Variants in NR3C1 observed in about 807,000 individuals in gnomAD.
NR3C1 encodes nuclear receptor subfamily 3 group C member 1, also known as glucocorticoid receptor.
NR3C1 carries 14 observed loss-of-function variants against 74.0 expected under a neutral mutation model. The observed-to-expected ratio is 0.19, with a 90% confidence interval of 0.12 to 0.30. NR3C1 has a LOEUF of 0.30. Ranked by LOEUF, NR3C1 falls within the 10% of genes least tolerant of loss-of-function variation. The pLI, the probability that NR3C1 is intolerant of heterozygous loss-of-function variation, is 1.00. For missense variants in NR3C1, 695 were observed against 909.8 expected (o/e 0.76, Z 3.04); for synonymous variants, 308 against 332.5 (o/e 0.93, Z 0.80).
At chr5:143,396,865 T>C (rs1839288309) in intron 2 of NR3C1, among the ~76,000 whole-genome samples, 2 of 151,974 alleles carry the variant, frequency 1.3e-5, no homozygotes, top group South Asian at 4.1e-4. Flanking sequence ...ACCTCTGTCA[T>C]TAATGCTTAA....
At chr5:143,332,139 A>G (rs1826088816) in intron 2 of NR3C1, among the ~76,000 whole-genome samples, 1 of 152,190 alleles carries the variant, frequency 6.6e-6, no homozygotes, top group Non-Finnish European at 1.5e-5. Flanking sequence ...ACAACCTTAG[A>G]CTAAATGTGT....
intron 6 of NR3C1, among the ~76,000 whole-genome samples, chr5:143,297,066 G>A (rs1324741802): frequency 3.5e-5 from 4 of 115,576 alleles, no homozygotes; most frequent in African/African-American, 6.9e-5. Flanking sequence ...GACAGAGTAA[G>A]ACTCGTCTCA....
chr5:143,336,476 G>A (rs1827140739), intron 2 of NR3C1, among the ~76,000 whole-genome samples: 1 of 152,166 alleles, frequency 6.6e-6, no homozygotes, highest in African/African-American at 2.4e-5. Context: ...AGTGGGGAAA[G>A]CTAAGAAGCA....
At chr5:143,362,475 C>T (rs1308569637) in intron 2 of NR3C1, among the ~76,000 whole-genome samples, 1 of 151,878 alleles carries the variant, frequency 6.6e-6, no homozygotes, top group Non-Finnish European at 1.5e-5. Context: ...ATTCTCCTGC[C>T]TCAGCCTCCC....
chr5:143,335,151 T>C (rs564813832), intron 2 of NR3C1, among the ~76,000 whole-genome samples: 1 of 152,312 alleles, frequency 6.6e-6, no homozygotes, highest in East Asian at 1.9e-4. Context: ...CCTACTAGCA[T>C]CAAGAAATCA....
chr5:143,399,546 T>TA (rs1401120858), intron 2 of NR3C1, 110 bp downstream of exon 2: 11 of 902,098 alleles, frequency 1.2e-5, no homozygotes, highest in Non-Finnish European at 1.6e-5. Context: ...CTTATTCATA[T>TA]AAAAAAGCAC....
chr5:143,370,243 T>TA lies in NR3C1; in HGVS notation c.1184+29412_1184+29413insT, dbSNP rs1314348681. On this transcript the variant is annotated intron_variant, in intron 2 of 8. Transcript: ENST00000394464. ...CACATTGAGGGATGCTATCAATGTATTATGATTGCTCTCTTTAGCTGACTT... is the reference window on the plus strand; with the variant it reads ...CACATTGAGGGATGCTATCAATGTATATATGATTGCTCTCTTTAGCTGACTT... Among the ~76,000 whole-genome samples the TA allele has an allele frequency of 3.3e-5, 5 of 152,328 alleles. No individual in the cohort carries two copies. In the East Asian group the frequency reaches 9.6e-4, roughly 29 times the overall value.
intron 1 of NR3C1, 67 bp from the exon 2 acceptor site, chr5:143,400,919 T>A: frequency 1.6e-6 from 2 of 1,222,570 alleles, no homozygotes; most frequent in South Asian, 2.5e-5. Context: ...ATCTTCCTGA[T>A]CCGATTAGTA....
At chr5:143,291,641 T>A (rs981324288) in intron 7 of NR3C1, among the ~76,000 whole-genome samples, 1 of 152,240 alleles carries the variant, frequency 6.6e-6, no homozygotes, top group Non-Finnish European at 1.5e-5. Flanking sequence ...AAGTAATTAC[T>A]GATACAGCTG....
intron 7 of NR3C1, among the ~76,000 whole-genome samples, chr5:143,285,144 TAC>T (rs763986608): frequency 4.2e-4 from 64 of 151,886 alleles, no homozygotes; most frequent in Non-Finnish European, 7.4e-4. Context: ...CAGAAATCTG[TAC>T]AGTCTTCGGC....
intron 1 of NR3C1, chr5:143,408,876 CA>C (rs1280880327): frequency 7.2e-5 from 11 of 152,170 alleles, no homozygotes; most frequent in Admixed American, 2.0e-4. Flanking sequence ...GCCCCCACAC[CA>C]GTCTTTTAAA....
intron 2 of NR3C1, chr5:143,389,928 A>G (rs1837937192): frequency 1.0e-6 from 1 of 980,002 alleles, no homozygotes; most frequent in Non-Finnish European, 1.2e-6. Context: ...CTGAAAACTT[A>G]TAAATCATCT....
intron 2 of NR3C1, among the ~76,000 whole-genome samples, chr5:143,326,260 T>C (rs1824582540): frequency 6.6e-6 from 1 of 152,220 alleles, no homozygotes; most frequent in African/African-American, 2.4e-5. Flanking sequence ...TGACAGAGTT[T>C]TTTAAGATTA....
At chr5:143,333,263 A>C in intron 2 of NR3C1, 4 of 1,089,160 alleles carry the variant, frequency 3.7e-6, no homozygotes, top group Non-Finnish European at 5.5e-6. Context: ...AGGGCTGAAA[A>C]CTGCCCTTGG....
intron 4 of NR3C1, among the ~76,000 whole-genome samples, chr5:143,305,024 A>G (rs1819279015): frequency 6.6e-6 from 1 of 152,230 alleles, no homozygotes; most frequent in African/African-American, 2.4e-5. Flanking sequence ...AGAAACTGCA[A>G]CAAAAACAAA....
intron 2 of NR3C1, among the ~76,000 whole-genome samples, chr5:143,395,851 A>C (rs1329999424): frequency 1.3e-5 from 2 of 151,810 alleles, no homozygotes; most frequent in Non-Finnish European, 3.0e-5. Flanking sequence ...CATTAAAGTA[A>C]ACCCTTTTGA....
At chr5:143,371,221 T>C (rs1834174550) in intron 2 of NR3C1, among the ~76,000 whole-genome samples, 1 of 152,168 alleles carries the variant, frequency 6.6e-6, no homozygotes, top group Non-Finnish European at 1.5e-5. Flanking sequence ...ATCAAATTAG[T>C]AATACCATAA....
rs1812599096 is a variant in NR3C1, at chr5:143,278,024, T to C, written c.*3865A>G. 6.6e-6 allele frequency: 1 copy of C among 152,172 alleles called. No homozygotes were observed. The highest frequency in any genetic ancestry group is 2.4e-5 in the African/African-American group (1 of 41,446). 9.4% of individuals were successfully genotyped at this position (152,172 alleles called of 1,614,324 possible). On this transcript the variant is annotated 3_prime_UTR_variant, in exon 9 of 9. Coordinates refer to ENST00000394464, the MANE Select transcript of NR3C1 (RefSeq NM_000176.3). ...TTACTGCCAATTCGGTACAAATGTG[T>C]GGTTTGGTAATACCAGAACAGCAAA...
At chr5:143,358,106 C>T (rs1341628088) in intron 2 of NR3C1, among the ~76,000 whole-genome samples, 4 of 152,148 alleles carry the variant, frequency 2.6e-5, no homozygotes, top group East Asian at 1.9e-4. Flanking sequence ...TTCTGTAAAG[C>T]GGGTAAGGAT....
Sources: gnomAD v4.1 joint callset for allele counts (sites outside exome capture counted in the v4.1 genomes callset) on GRCh38, gnomAD v4.1.1 for gene constraint, MANE v1.5 for transcripts, NCBI Gene and HGNC (gene_info 2026-07-23, HGNC 2026-07-21) for gene names.